The following SYT1 variants were observed in gnomAD, a reference collection of about 807,000 sequenced individuals.
SYT1 encodes the protein synaptotagmin-1.
SYT1 carries 8 observed loss-of-function variants against 44.8 expected under a neutral mutation model. That is an observed-to-expected ratio of 0.18 (90% CI 0.10 to 0.32). The LOEUF (loss-of-function observed/expected upper bound fraction) is 0.32. Ranked by LOEUF, SYT1 falls within the 10% of genes least tolerant of loss-of-function variation. The pLI, the probability that SYT1 is intolerant of heterozygous loss-of-function variation, is 1.00. For synonymous variants in SYT1, 154 were observed against 188.8 expected, an observed-to-expected ratio of 0.82 and a Z score of 1.51; for missense variants, 286 against 509.3, an observed-to-expected ratio of 0.56 and a Z score of 4.22.
intron 3 of SYT1, among the ~76,000 whole-genome samples, chr12:79,165,413 G>T (rs1246481381): frequency 6.6e-6 from 1 of 151,910 alleles, no homozygotes; most frequent in Non-Finnish European, 1.5e-5. Context: ...GAACAGTGTT[G>T]CAAAGGTTTT....
rs575252940 is a variant in SYT1 at position 79,024,605 on chromosome 12, A to G, written c.-83-22692A>G. Among the ~76,000 whole-genome samples, 272 of 151,930 alleles carry G rather than the reference A, an allele frequency of 1.8e-3. 1 individual carries two copies. Among genetic ancestry groups the G allele is most frequent in the African/African-American group, 6.3e-3 (262 of 41,500 alleles). The stretch of plus-strand genomic sequence containing the variant: ...CACTTACAGATAAGAATGATGTACC[A>G]GAGTTTCTAATTGCTAGGAAAACAG... On this transcript the variant is annotated intron_variant, in intron 2 of 10. Coordinates refer to ENST00000261205, the MANE Select transcript of SYT1 (RefSeq NM_005639.3).
chr12:79,444,013 C>A (rs1304750198), intron 9 of SYT1, 60 bp from the exon 10 acceptor site: 2 of 1,577,468 alleles, frequency 1.3e-6, no homozygotes, highest in African/African-American at 1.4e-5. Context: ...TATAAGCTAA[C>A]TTATAATCTA....
chr12:79,249,632 A>C (rs1877077341), intron 4 of SYT1, among the ~76,000 whole-genome samples: 1 of 152,184 alleles, frequency 6.6e-6, no homozygotes. Context: ...TACCTGCAGG[A>C]AGGATGTAGA....
At chr12:79,387,325 T>A (rs1884476122) in intron 9 of SYT1, among the ~76,000 whole-genome samples, 1 of 152,202 alleles carries the variant, frequency 6.6e-6, no homozygotes, top group East Asian at 1.9e-4. Flanking sequence ...TAAGTCAACA[T>A]CTGCCTCTCT....
chr12:79,288,212 A>G (rs1879406386), intron 5 of SYT1, among the ~76,000 whole-genome samples: 2 of 152,130 alleles, frequency 1.3e-5, no homozygotes, highest in African/African-American at 4.8e-5. Context: ...TTTTAAGAGG[A>G]TGTTTCATCA....
intron 3 of SYT1, among the ~76,000 whole-genome samples, chr12:79,145,816 G>A (rs1329555181): frequency 1.3e-5 from 2 of 150,988 alleles, no homozygotes; most frequent in Non-Finnish European, 2.9e-5. Flanking sequence ...GGAGTGCAGT[G>A]GCGGGATCTC....
intron 2 of SYT1, chr12:79,046,485 T>C (rs1260303877): frequency 1.3e-5 from 2 of 152,292 alleles, no homozygotes; most frequent in East Asian, 3.9e-4. Context: ...AATTTTCATT[T>C]ATGAGTTGTT....
At chr12:79,433,404 T>C (rs941878252) in intron 9 of SYT1, among the ~76,000 whole-genome samples, 1 of 152,212 alleles carries the variant, frequency 6.6e-6, no homozygotes, top group African/African-American at 2.4e-5. Context: ...TCATATTACA[T>C]GTACATTTAT....
At chr12:79,058,456 G>A (rs1940370435) in intron 3 of SYT1, among the ~76,000 whole-genome samples, 1 of 152,036 alleles carries the variant, frequency 6.6e-6, no homozygotes, top group African/African-American at 2.4e-5. Flanking sequence ...TTTTCTTCCT[G>A]AGGTAATGCT....
At chr12:78,890,953 C>A (rs1310520833) in intron 1 of SYT1, among the ~76,000 whole-genome samples, 1 of 151,898 alleles carries the variant, frequency 6.6e-6, no homozygotes, top group South Asian at 2.1e-4. Context: ...ATGCACCTCT[C>A]CAGATTTTAG....
chr12:79,148,340 C>T (rs1465497864), intron 3 of SYT1, among the ~76,000 whole-genome samples: 1 of 152,078 alleles, frequency 6.6e-6, no homozygotes, highest in Non-Finnish European at 1.5e-5. Context: ...TTAGGACAGA[C>T]CATGGAAATA....
intron 2 of SYT1, among the ~76,000 whole-genome samples, chr12:79,041,758 G>A (rs1170252985): frequency 1.3e-5 from 2 of 150,466 alleles, no homozygotes; most frequent in African/African-American, 4.9e-5. Flanking sequence ...ATTGGCTGTG[G>A]GTTTGTCATA....
intron 1 of SYT1, among the ~76,000 whole-genome samples, chr12:78,885,381 GAGGAAGGGA>G (rs746418623): frequency 2.0e-5 from 3 of 148,932 alleles, no homozygotes; most frequent in Non-Finnish European, 4.5e-5. Context: ...GGGAGGGAGG[GAGGAAGGGA>G]AGGAAGGGAG....
rs111951750 is a variant in SYT1, at chr12:79,288,364, T to C, written c.351+2393T>C. Among the ~76,000 whole-genome samples, 15 of 152,236 alleles carry C rather than the reference T, an allele frequency of 9.9e-5. 1 individual carries two copies. Among genetic ancestry groups the C allele is most frequent in the African/African-American group, 3.4e-4 (14 of 41,590 alleles). On this transcript the variant is annotated intron_variant, in intron 5 of 10. Transcript: ENST00000261205. Reference sequence around the variant, plus strand: ...AGAAAATAAAGATGGCTTATGCCCTTCTCGTTTAAAAACAAGACAGATGTG... The same window carrying C: ...AGAAAATAAAGATGGCTTATGCCCTCCTCGTTTAAAAACAAGACAGATGTG...
intron 9 of SYT1, among the ~76,000 whole-genome samples, chr12:79,382,757 G>A (rs552869202): frequency 6.6e-6 from 1 of 152,256 alleles, no homozygotes; most frequent in South Asian, 2.1e-4. Context: ...TTAAATGATG[G>A]CAAATGTTAC....
chr12:78,876,461 G>GTTTTTTTTTTTTTTT (rs1491347037), intron 1 of SYT1, among the ~76,000 whole-genome samples: 1 of 30,214 alleles, frequency 3.3e-5, no homozygotes. Flanking sequence ...GAAAATGGAG[G>GTTTTTTTTTTTTTTT]TGTTTTTTTT....
chr12:79,306,465 G>A (rs1402189661), intron 8 of SYT1, among the ~76,000 whole-genome samples: 1 of 152,130 alleles, frequency 6.6e-6, no homozygotes, highest in Non-Finnish European at 1.5e-5. Flanking sequence ...TGATCGAATT[G>A]GGTAAAACAG....
At chr12:79,290,372 C>G (rs999086493) in intron 5 of SYT1, among the ~76,000 whole-genome samples, 1 of 152,186 alleles carries the variant, frequency 6.6e-6, no homozygotes, top group Admixed American at 6.5e-5. Flanking sequence ...TGAAGCACCA[C>G]TGAAGATCCC....
intron 3 of SYT1, among the ~76,000 whole-genome samples, chr12:79,114,446 A>T (rs557039961): frequency 6.6e-6 from 1 of 152,114 alleles, no homozygotes; most frequent in African/African-American, 2.4e-5. Context: ...AGGTAGCTAC[A>T]GGTATTGGGA....
Sources: allele counts gnomAD v4.1 joint callset (sites outside exome capture counted in the v4.1 genomes callset), GRCh38; gene constraint gnomAD v4.1.1; transcripts MANE v1.5; gene names NCBI Gene and HGNC (gene_info 2026-07-23, HGNC 2026-07-21).